The following ASIC2 variants were observed in gnomAD, a reference collection of about 807,000 sequenced individuals.
ASIC2 encodes acid sensing ion channel subunit 2, also known as acid-sensing ion channel 2.
Under a neutral mutation model 57.3 loss-of-function variants are expected in ASIC2, and 25 were observed. The observed-to-expected ratio is 0.44, with a 90% CI of 0.32 to 0.61. The LOEUF is 0.61. Among genes scored for constraint, ASIC2 ranks in the 20% least tolerant of loss-of-function variants. The pLI, the probability that ASIC2 is intolerant of heterozygous loss-of-function variation, is 0.06. For synonymous variants in ASIC2, 319 were observed against 307.5 expected, an observed-to-expected ratio of 1.04 and a Z score of -0.39; for missense variants, 641 against 738.1, an observed-to-expected ratio of 0.87 and a Z score of 1.52.
At chr17:33,966,920 C>G (rs1490105088) in intron 1 of ASIC2, among the ~76,000 whole-genome samples, 1 of 152,164 alleles carries the variant, frequency 6.6e-6, no homozygotes, top group Non-Finnish European at 1.5e-5. Context: ...CGCACCCACC[C>G]CAGTCTTCCT....
intron 1 of ASIC2, among the ~76,000 whole-genome samples, chr17:33,347,633 C>T (rs182377204): frequency 4.1e-4 from 62 of 152,154 alleles, no homozygotes; most frequent in African/African-American, 1.4e-3. Flanking sequence ...TTTAAAAGCC[C>T]GGATGAGGTC....
At position 34,063,977 on chromosome 17, in the gene ASIC2, TC is replaced by T. The variant is rs536489094; in HGVS notation, c.555+92000del. 4.0e-5 allele frequency among the ~76,000 whole-genome samples: 6 copies of T among 151,884 alleles called. No individual in the cohort carries two copies. The South Asian group carries it at 1.3e-3, about 32-fold the overall frequency. On this transcript the variant is annotated intron_variant, in intron 1 of 9. Transcript: ENST00000359872. ...AAAGCAATCTAAAAATTCAGTGCAA[TC>T]CCCCTCAGAATACCACCATCATTCT...
At chr17:34,046,896 C>A (rs1908359323) in intron 1 of ASIC2, among the ~76,000 whole-genome samples, 1 of 152,158 alleles carries the variant, frequency 6.6e-6, no homozygotes, top group African/African-American at 2.4e-5. Flanking sequence ...ACCACATATA[C>A]CTTCAATCCT....
rs961088911 is a variant in ASIC2 at position 34,039,431 on chromosome 17, T to A, written c.555+116547A>T. 2.2e-5 allele frequency: 35 copies of A among 1,613,598 alleles called. No homozygotes were observed. In the Admixed American group the frequency reaches 2.5e-4, roughly 12 times the overall value. ...TTTGCTAGCATCACTGACATGAGGG[T>A]TGGCAGAGCAGACTGCTCCTCCGTT... is the stretch of plus-strand genomic sequence containing the variant. On this transcript the variant is annotated intron_variant, in intron 1 of 9. Transcript: ENST00000359872.
intron 1 of ASIC2, among the ~76,000 whole-genome samples, chr17:33,615,498 C>A (rs1380149524): frequency 6.6e-6 from 1 of 152,166 alleles, no homozygotes; most frequent in Non-Finnish European, 1.5e-5. Flanking sequence ...GATAGACCTT[C>A]AAAAATGAAG....
Position 33,292,110 on chromosome 17 carries a change from G to A in ASIC2, c.6C>T (p.Ser2=). 9.6e-7 allele frequency: 1 copy of A among 1,044,198 alleles called. No individual in the cohort carries two copies. Among genetic ancestry groups the A allele is most frequent in the Non-Finnish European group, 1.1e-6 (1 of 870,466 alleles). The allele number at this position is 1,044,198 out of a possible 1,614,324, so 64.7% of individuals were successfully genotyped here. ...CGGGCAGCCCGGCTCCGCCAATCCG[G>A]CTCATTCATTCAGCCCGCGGCTGGC... The part of the protein sequence containing the change: M[S]RIGGAGLPAA... Residue 2 remains serine, a synonymous_variant, in exon 1 of 10, where the codon AGC becomes AGT. Transcript: ENST00000225823.
chr17:33,200,753 C>A (rs1906826303), intron 1 of ASIC2, among the ~76,000 whole-genome samples: 1 of 152,170 alleles, frequency 6.6e-6, no homozygotes, highest in Admixed American at 6.5e-5. Flanking sequence ...CAGTTTATTC[C>A]CAGCACAGCA....
chr17:33,045,050 C>G (rs1404028958), intron 3 of ASIC2, among the ~76,000 whole-genome samples: 2 of 152,156 alleles, frequency 1.3e-5, no homozygotes, highest in Non-Finnish European at 2.9e-5. Context: ...TACAGCAAGG[C>G]TGGCATGTGG....
intron 1 of ASIC2, among the ~76,000 whole-genome samples, chr17:33,997,552 T>A (rs1051611006): frequency 2.0e-5 from 3 of 152,162 alleles, no homozygotes; most frequent in African/African-American, 7.2e-5. Context: ...TATAGTTTTA[T>A]ACCTAATTTG....
At chr17:33,424,554 T>C (rs1911152552) in intron 1 of ASIC2, among the ~76,000 whole-genome samples, 1 of 152,246 alleles carries the variant, frequency 6.6e-6, no homozygotes, top group African/African-American at 2.4e-5. Context: ...GAAAATAATT[T>C]GGGAAGCTAA....
intron 1 of ASIC2, among the ~76,000 whole-genome samples, chr17:34,011,867 C>A (rs79612343): frequency 0.045 from 6,847 of 152,302 alleles, 158 homozygotes; most frequent in South Asian, 0.084. Flanking sequence ...GCAGTTTACC[C>A]TTCAGACACT....
intron 1 of ASIC2, among the ~76,000 whole-genome samples, chr17:33,445,221 A>G (rs1033629103): frequency 2.6e-5 from 4 of 152,238 alleles, no homozygotes; most frequent in African/African-American, 7.2e-5. Flanking sequence ...TGAGGTCAGG[A>G]GTTCGAGACC....
intron 1 of ASIC2, among the ~76,000 whole-genome samples, chr17:33,384,329 G>C (rs940272467): frequency 6.6e-6 from 1 of 152,218 alleles, no homozygotes; most frequent in Non-Finnish European, 1.5e-5. Flanking sequence ...GTGTCAGCCA[G>C]ACATATCTCT....
chr17:33,419,952 A>T (rs1434537223), intron 1 of ASIC2, among the ~76,000 whole-genome samples: 1 of 152,200 alleles, frequency 6.6e-6, no homozygotes, highest in East Asian at 1.9e-4. Flanking sequence ...ATATATGTTT[A>T]GACTTTTTCT....
intron 1 of ASIC2, among the ~76,000 whole-genome samples, chr17:33,379,069 G>T (rs1400721285): frequency 6.6e-6 from 1 of 152,192 alleles, no homozygotes; most frequent in Non-Finnish European, 1.5e-5. Flanking sequence ...GGTTATTGGA[G>T]CATTAAATGA....
intron 1 of ASIC2, among the ~76,000 whole-genome samples, chr17:34,128,484 G>T (rs562975882): frequency 1.3e-5 from 2 of 149,946 alleles, no homozygotes; most frequent in Admixed American, 6.6e-5. Context: ...CAATGTGATA[G>T]TAGAGGAGGA....
At chr17:33,981,741 G>C (rs146154436) in intron 1 of ASIC2, among the ~76,000 whole-genome samples, 23 of 152,278 alleles carry the variant, frequency 1.5e-4, no homozygotes, top group African/African-American at 5.1e-4. Flanking sequence ...TCTGAGCTAA[G>C]CACCATGCTT....
chr17:33,309,378 A>G (rs1355750388), intron 1 of ASIC2, among the ~76,000 whole-genome samples: 1 of 152,222 alleles, frequency 6.6e-6, no homozygotes, highest in Non-Finnish European at 1.5e-5. Flanking sequence ...ATTTTTGAAA[A>G]GCAGAACATA....
At chr17:33,103,019 G>A (rs530563390) in intron 2 of ASIC2, among the ~76,000 whole-genome samples, 31 of 152,198 alleles carry the variant, frequency 2.0e-4, no homozygotes, top group African/African-American at 4.6e-4. Flanking sequence ...TCCTGACCTC[G>A]TGATCCGCCC....
Sources: allele counts gnomAD v4.1 joint callset (sites outside exome capture counted in the v4.1 genomes callset), GRCh38; gene constraint gnomAD v4.1.1; transcripts MANE v1.5; gene names NCBI Gene and HGNC (gene_info 2026-07-23, HGNC 2026-07-21).